CD8B: variants seen among roughly 807,000 people sequenced by gnomAD.
CD8B encodes T-cell surface glycoprotein CD8 beta chain.
In CD8B, 6 loss-of-function variants were observed where a neutral mutation model predicts 24.2. The ratio of observed to expected loss-of-function variants is 0.25; its 90% confidence interval spans 0.14 to 0.49. CD8B has a LOEUF of 0.49. Ranked by LOEUF, CD8B falls within the 20% of genes least tolerant of loss-of-function variation. The probability of loss-of-function intolerance (pLI) is 0.98; values close to 1 mark genes in which losing one functional copy is unlikely to be tolerated. For missense variants in CD8B, 196 were observed against 271.3 expected (o/e 0.72, Z 1.95); for synonymous variants, 84 against 108.3 (o/e 0.78, Z 1.39).
chr2:86,821,837 C>T (rs1674488349), intron 5 of CD8B: 5 of 322,504 alleles, frequency 1.6e-5, no homozygotes, highest in South Asian at 1.1e-4. Context: ...GCTTCCTCCA[C>T]CCTTCTCTTC....
chr2:86,851,102 A>AAAAG (rs1045117175), intron 3 of CD8B, among the ~76,000 whole-genome samples: 2 of 152,040 alleles, frequency 1.3e-5, no homozygotes, highest in East Asian at 1.9e-4. Flanking sequence ...AAAAAAAAAA[A>AAAAG]AAAGAAAGAA....
At chr2:86,821,477 G>A (rs1217837391) in intron 5 of CD8B, among the ~76,000 whole-genome samples, 1 of 152,168 alleles carries the variant, frequency 6.6e-6, no homozygotes, top group Non-Finnish European at 1.5e-5. Context: ...GTATTGTGGC[G>A]GGGAAGCAAC....
At position 86,840,163 on chromosome 2, in the gene CD8B, G is replaced by A. The variant is rs1346046769; in HGVS notation, c.*2144C>T. On this transcript the variant is annotated 3_prime_UTR_variant, in exon 6 of 6. Transcript: ENST00000390655. ...CTGACTTCTCAAAGCTGGATCAAAT[G>A]GAAAACACCTGGGTCTGGGGGCAGG... 6.6e-6 allele frequency among the ~76,000 whole-genome samples: 1 copy of A among 151,620 alleles called. No homozygotes were observed. Among genetic ancestry groups the A allele is most frequent in the African/African-American group, 2.4e-5 (1 of 41,082 alleles).
At chr2:86,827,543 G>A (rs1163126547) in intron 5 of CD8B, among the ~76,000 whole-genome samples, 1 of 151,468 alleles carries the variant, frequency 6.6e-6, no homozygotes, top group African/African-American at 2.4e-5. Flanking sequence ...GATCACTGGA[G>A]CCCAGGAGGC....
intron 5 of CD8B, among the ~76,000 whole-genome samples, chr2:86,823,364 T>C (rs1051852550): frequency 2.0e-5 from 3 of 152,156 alleles, no homozygotes; most frequent in Non-Finnish European, 4.4e-5. Flanking sequence ...ACTGTAGCCT[T>C]CACCTCGTGG....
chr2:86,815,537 A>G, downstream of CD8B: 1 of 924,238 alleles, frequency 1.1e-6, no homozygotes, highest in Non-Finnish European at 1.8e-6. Context: ...GTGTGGGAGG[A>G]TCCCTCTGAG....
intron 2 of CD8B, among the ~76,000 whole-genome samples, chr2:86,856,169 A>C (rs1333781511): frequency 6.6e-6 from 1 of 152,194 alleles, no homozygotes; most frequent in Non-Finnish European, 1.5e-5. Context: ...CCAGAGCTGG[A>C]GAGAGGCATT....
intron 4 of CD8B, 74 bp from the exon 5 acceptor site, chr2:86,845,032 G>A (rs561567510): frequency 2.7e-5 from 42 of 1,548,506 alleles, no homozygotes; most frequent in Non-Finnish European, 3.7e-5. Flanking sequence ...GGCCAAGGAG[G>A]ATTGTCACAG....
At chr2:86,855,045 T>G (rs531991106) in intron 2 of CD8B, among the ~76,000 whole-genome samples, 32 of 147,654 alleles carry the variant, frequency 2.2e-4, no homozygotes, top group Admixed American at 4.1e-4. Flanking sequence ...CGTTTGAACC[T>G]GTGAGGCAGA....
At chr2:86,827,248 T>TAA (rs75183084) in intron 5 of CD8B, among the ~76,000 whole-genome samples, 28 of 143,718 alleles carry the variant, frequency 1.9e-4, no homozygotes, top group East Asian at 1.6e-3. Context: ...TCTTTTGAGT[T>TAA]AAAAAAAAAA....
In CD8B at chr2:86,821,399, A is replaced by C. The variant is rs1340380727; in HGVS notation, c.621-5681T>G. Among the ~76,000 whole-genome samples the C allele has an allele frequency of 5.9e-5, 9 of 152,338 alleles. No individual in the cohort carries two copies. The East Asian group carries it at 1.7e-3, about 29-fold the overall frequency. ...GGTTAAGAAACCAACAGGAAAAAGA[A>C]CGCACAACTCCCAGCACAGTGCTGG... is the stretch of plus-strand genomic sequence containing the variant. On this transcript the variant is annotated intron_variant, in intron 5 of 5. Transcript: ENST00000331469.
At chr2:86,828,664 A>C (rs1179341459) in intron 5 of CD8B, among the ~76,000 whole-genome samples, 2 of 152,168 alleles carry the variant, frequency 1.3e-5, no homozygotes, top group Non-Finnish European at 2.9e-5. Flanking sequence ...AAAATACATA[A>C]TTTTCTTATT....
At chr2:86,820,536 C>CT (rs67594018) in intron 5 of CD8B, among the ~76,000 whole-genome samples, 4 of 151,686 alleles carry the variant, frequency 2.6e-5, no homozygotes, top group African/African-American at 4.8e-5. Context: ...TTAAGACGTA[C>CT]TTTTTTTTTC....
At chr2:86,846,468 C>G (rs1182372091) in intron 4 of CD8B, among the ~76,000 whole-genome samples, 1 of 152,160 alleles carries the variant, frequency 6.6e-6, no homozygotes. Flanking sequence ...CCACGTTGCA[C>G]TCAAACCCAG....
In CD8B at chr2:86,822,544, C is replaced by T. The variant is rs370157479; in HGVS notation, c.621-6826G>A. Among the ~76,000 whole-genome samples, 13 of 152,206 alleles carry T rather than the reference C, an allele frequency of 8.5e-5. No homozygotes were observed. In the South Asian group the frequency reaches 1.9e-3, roughly 22 times the overall value. On this transcript the variant is annotated intron_variant, in intron 5 of 5. Transcript: ENST00000331469. ...CCTATGGAAAGGTTGACAAGGAAAA[C>T]GCAGACAGCATGCTTGATATAAACA...
intron 3 of CD8B, among the ~76,000 whole-genome samples, chr2:86,852,059 C>T (rs1676002700): frequency 6.6e-6 from 1 of 152,168 alleles, no homozygotes; most frequent in African/African-American, 2.4e-5. Context: ...ATCTCCACCT[C>T]CCAGGCTCAA....
intron 2 of CD8B, among the ~76,000 whole-genome samples, chr2:86,855,367 A>T (rs894888424): frequency 2.6e-5 from 4 of 152,236 alleles, no homozygotes; most frequent in African/African-American, 9.6e-5. Context: ...GCCTTTCAGC[A>T]TAAGTTTACT....
chr2:86,860,938 T>G (rs1676549978), intron 1 of CD8B, among the ~76,000 whole-genome samples: 1 of 152,212 alleles, frequency 6.6e-6, no homozygotes, highest in Non-Finnish European at 1.5e-5. Context: ...CAGGCCTCAC[T>G]GCATGTTCCC....
At chr2:86,822,584 T>C (rs754865738) in intron 5 of CD8B, among the ~76,000 whole-genome samples, 1 of 152,216 alleles carries the variant, frequency 6.6e-6, no homozygotes, top group Non-Finnish European at 1.5e-5. Context: ...TTCAGCATGA[T>C]TATAACTATG....
Sources: allele counts gnomAD v4.1 joint callset (sites outside exome capture counted in the v4.1 genomes callset), GRCh38; gene constraint gnomAD v4.1.1; transcripts MANE v1.5; gene names NCBI Gene and HGNC (gene_info 2026-07-23, HGNC 2026-07-21).